The following PARP1 variants were observed in gnomAD, a reference collection of about 807,000 sequenced individuals.
PARP1 encodes poly(ADP-ribose) polymerase 1.
In PARP1, 44 loss-of-function variants were observed where a neutral mutation model predicts 118.7. The observed-to-expected ratio is 0.37, with a 90% confidence interval of 0.29 to 0.48. The LOEUF (loss-of-function observed/expected upper bound fraction) is 0.48. Ranked by LOEUF, PARP1 falls within the 20% of genes least tolerant of loss-of-function variation. The pLI, the probability that PARP1 is intolerant of heterozygous loss-of-function variation, is 0.99. For synonymous variants in PARP1, 492 were observed against 483.2 expected, an observed-to-expected ratio of 1.02 and a Z score of -0.24; for missense variants, 1,100 against 1,272.4, an observed-to-expected ratio of 0.86 and a Z score of 2.06.
chr1:226,379,850 T>C, intron 10 of PARP1, 72 bp downstream of exon 10: 1 of 1,608,162 alleles, frequency 6.2e-7, no homozygotes, highest in South Asian at 1.1e-5. Context: ...AAGGGAGAGG[T>C]TCCGTGGACA....
At chr1:226,380,200 A>T (rs368714563) in intron 9 of PARP1, 36 bp from the exon 10 acceptor site, 83 of 1,606,782 alleles carry the variant, frequency 5.2e-5, no homozygotes, top group Non-Finnish European at 7.0e-5. Context: ...CCAAAATACA[A>T]GTTTAAAACA....
At chr1:226,394,654 T>C (rs1160362762) in intron 2 of PARP1, among the ~76,000 whole-genome samples, 1 of 152,178 alleles carries the variant, frequency 6.6e-6, no homozygotes, top group African/African-American at 2.4e-5. Context: ...TAGCTCACGC[T>C]TGTAGTCCCA....
intron 2 of PARP1, among the ~76,000 whole-genome samples, chr1:226,393,703 GA>G (rs200607759): frequency 6.6e-6 from 1 of 152,110 alleles, no homozygotes; most frequent in Non-Finnish European, 1.5e-5. Flanking sequence ...CTGAGTCAGG[GA>G]AAAAAGACTA....
rs1266383632 is a variant in PARP1, at chr1:226,373,941, TGA to T, written c.2070+283_2070+284del. ...GAGACCAGCTTGGGCAACAACATGG[TGA>T]GACTCTGTCTCAGAAAAAAAGTACA... On this transcript the variant is annotated intron_variant, in intron 14 of 22. Coordinates refer to ENST00000366794, the MANE Select transcript of PARP1 (RefSeq NM_001618.4). 8.5e-4 allele frequency among the ~76,000 whole-genome samples: 130 copies of T among 152,096 alleles called. 1 individual carries two copies. The highest frequency in any genetic ancestry group is 5.9e-5 in the Non-Finnish European group (4 of 68,028).
At chr1:226,364,694 G>A (rs955376787) in intron 19 of PARP1, among the ~76,000 whole-genome samples, 5 of 152,216 alleles carry the variant, frequency 3.3e-5, no homozygotes, top group East Asian at 1.9e-4. Context: ...GAGGTGGCCC[G>A]GCTGGGAAGT....
At chr1:226,394,194 C>T (rs1279341712) in intron 2 of PARP1, among the ~76,000 whole-genome samples, 1 of 152,110 alleles carries the variant, frequency 6.6e-6, no homozygotes, top group African/African-American at 2.4e-5. Context: ...AAGGAAGAAA[C>T]AAACAAAACA....
intron 2 of PARP1, chr1:226,401,890 C>T: frequency 3.7e-6 from 4 of 1,075,646 alleles, no homozygotes; most frequent in Non-Finnish European, 5.1e-6. Flanking sequence ...CAAGGAAGAG[C>T]CTGTGTGGTG....
chr1:226,367,273 G>A (rs894742207), intron 17 of PARP1: 5 of 613,014 alleles, frequency 8.2e-6, no homozygotes, highest in Admixed American at 7.8e-5. Flanking sequence ...TGCAAACAAG[G>A]TGCATTATCT....
intron 20 of PARP1, among the ~76,000 whole-genome samples, chr1:226,363,639 C>T (rs935251561): frequency 4.6e-5 from 7 of 152,166 alleles, no homozygotes; most frequent in Non-Finnish European, 7.4e-5. Context: ...GTGGAGGAGG[C>T]GGCCTGGGGG....
At chr1:226,368,045 A>G (rs1472687820) in intron 16 of PARP1, among the ~76,000 whole-genome samples, 154 bp downstream of exon 16, 1 of 152,144 alleles carries the variant, frequency 6.6e-6, no homozygotes, top group Admixed American at 6.5e-5. Context: ...TGCCTCCATC[A>G]ATGTGGGTAG....
At chr1:226,403,253 A>G (rs547940450) in intron 1 of PARP1, among the ~76,000 whole-genome samples, 5 of 152,292 alleles carry the variant, frequency 3.3e-5, no homozygotes, top group African/African-American at 1.2e-4. Context: ...ATCTCAGCTC[A>G]CTGCAACCTC....
At chr1:226,391,270 T>C (rs1173160490) in intron 3 of PARP1, among the ~76,000 whole-genome samples, 1 of 152,052 alleles carries the variant, frequency 6.6e-6, no homozygotes, top group Non-Finnish European at 1.5e-5. Context: ...TAGCAGGGAC[T>C]TTCTGTCCAC....
At chr1:226,367,801 G>A (rs1405219480) in intron 16 of PARP1, among the ~76,000 whole-genome samples, 193 bp from the exon 17 acceptor site, 1 of 152,216 alleles carries the variant, frequency 6.6e-6, no homozygotes, top group East Asian at 1.9e-4. Flanking sequence ...TGTTAACAAG[G>A]CCTTGTGGCC....
intron 15 of PARP1, 42 bp from the exon 16 acceptor site, chr1:226,368,363 A>T (rs544318847): frequency 6.2e-7 from 1 of 1,613,672 alleles, no homozygotes; most frequent in East Asian, 2.2e-5. Context: ...CTGAGGGAGC[A>T]GCTCCAAGCC....
intron 17 of PARP1, chr1:226,367,167 GAAACAAAC>G (rs56052523): frequency 1.5e-5 from 6 of 409,038 alleles, no homozygotes; most frequent in South Asian, 4.4e-5. Flanking sequence ...TTAAGGAGAG[GAAACAAAC>G]AAACAAACAA....
At chr1:226,363,895 C>T (rs1664201850) in intron 20 of PARP1, 48 bp downstream of exon 20, 2 of 1,608,420 alleles carry the variant, frequency 1.2e-6, no homozygotes, top group Admixed American at 1.7e-5. Context: ...TAGCCCATTC[C>T]ACCTGTCCCC....
intron 20 of PARP1, 149 bp from the exon 21 acceptor site, chr1:226,363,309 T>G (rs977106892): frequency 1.4e-6 from 1 of 708,188 alleles, no homozygotes; most frequent in African/African-American, 1.8e-5. Flanking sequence ...CCTCCTGAGT[T>G]TCTGGAACTG....
Position 226,390,535 on chromosome 1 carries a change from G to C in PARP1, c.492C>G (p.Val164=), listed in dbSNP as rs1664803885. ...GGAAACCCAGCTCCTCCCTGTTCTT[G>C]ACAAAGCAGCCTGGATGGTACCAGC... ...IDRWYHPGCF[V]KNREELGFRP... The change falls in exon 4 of 23, where the codon GTC becomes GTG. Residue 164 remains valine, a synonymous_variant. Coordinates refer to ENST00000366794, the MANE Select transcript of PARP1 (RefSeq NM_001618.4). 1.2e-6 allele frequency: 2 copies of C among 1,614,216 alleles called. No homozygotes were observed. Among genetic ancestry groups the C allele is most frequent in the Non-Finnish European group, 1.7e-6 (2 of 1,180,038 alleles).
chr1:226,372,941 A>C (rs141685839), intron 14 of PARP1, among the ~76,000 whole-genome samples: 50 of 152,314 alleles, frequency 3.3e-4, no homozygotes, highest in Non-Finnish European at 6.0e-4. Flanking sequence ...GTGACCTCAT[A>C]AACAAAAGTC....
Sources: gnomAD v4.1 joint callset for allele counts (sites outside exome capture counted in the v4.1 genomes callset) on GRCh38, gnomAD v4.1.1 for gene constraint, MANE v1.5 for transcripts, NCBI Gene and HGNC (gene_info 2026-07-23, HGNC 2026-07-21) for gene names.